The following BEGAIN variants were observed in gnomAD, a reference collection of about 807,000 sequenced individuals.
BEGAIN encodes the protein brain enriched guanylate kinase associated.
In BEGAIN, 19 loss-of-function variants were observed where a neutral mutation model predicts 35.8. The ratio of observed to expected loss-of-function variants is 0.53; its 90% confidence interval spans 0.37 to 0.78. BEGAIN has a LOEUF of 0.78. Ranked by LOEUF, BEGAIN falls within the 30% of genes least tolerant of loss-of-function variation. The pLI, the probability that BEGAIN is intolerant of heterozygous loss-of-function variation, is 0.00. For synonymous variants in BEGAIN, 462 were observed against 388.6 expected (o/e 1.19, Z -2.22); for missense variants, 795 against 853.6 (o/e 0.93, Z 0.85).
chr14:100,553,804 C>T (rs2033440664), intron 2 of BEGAIN, among the ~76,000 whole-genome samples: 3 of 152,236 alleles, frequency 2.0e-5, no homozygotes. Context: ...CCCTTCTCTG[C>T]TGGGCTCTCT....
In BEGAIN at chr14:100,537,211, CA is replaced by C. The variant is rs1042810600; in HGVS notation, c.*757del. The C allele has an allele frequency of 2.9e-4, 45 of 152,782 alleles. No individual in the cohort carries two copies. The highest frequency in any genetic ancestry group is 1.1e-3 in the African/African-American group (44 of 41,548). 9.5% of individuals were successfully genotyped at this position (152,782 alleles called of 1,614,324 possible). On this transcript the variant is annotated 3_prime_UTR_variant, in exon 7 of 7. Transcript: ENST00000554140. ...CAGTACTAACTGGCAGGGCATGCAT[CA>C]GAGACAACAAGAATGCAAGCTACAG...
In BEGAIN at chr14:100,539,128, G is replaced by A; in HGVS notation, c.680C>T (p.Ala227Val). ...TGGTTTCTCCACCCCGTCGCAGAAG[G>A]CCAGGTCGCGGGCGGAGGCATCGGA... is the stretch of plus-strand genomic sequence containing the variant. The part of the protein sequence containing the change: ...RLSDASARDL[A>V]FCDGVEKPGP... Residue 227 changes from alanine (A) to valine (V), a missense_variant, in exon 7 of 7, where the codon GCC becomes GTC. Coordinates refer to ENST00000554140, the MANE Select transcript of BEGAIN (RefSeq NM_001385089.1). 3.1e-6 allele frequency: 5 copies of A among 1,605,784 alleles called. No individual in the cohort carries two copies. Among genetic ancestry groups the A allele is most frequent in the Non-Finnish European group, 4.3e-6 (5 of 1,174,544 alleles).
Position 100,543,957 on chromosome 14 carries a change from G to A in BEGAIN, c.309C>T (p.His103=), listed in dbSNP as rs774515800. The change falls in exon 5 of 7, where the codon CAC becomes CAT. Residue 103 remains histidine, a synonymous_variant. Transcript: ENST00000554140. ...LEDKLYRMGQ[H]YEEEKRALSH... is the part of the protein sequence containing the mutation. ...TCAGCGCACGCTTCTCCTCCTCATA[G>A]TGCTGGCCCTGGGGGTGGGACAGTG... The A allele has an allele frequency of 1.9e-6, 3 of 1,609,452 alleles. No individual in the cohort carries two copies. Among genetic ancestry groups the A allele is most frequent in the Non-Finnish European group, 2.5e-6 (3 of 1,178,094 alleles).
Position 100,539,012 on chromosome 14 carries a change from C to T in BEGAIN, c.796G>A (p.Val266Met), listed in dbSNP as rs371884073. The stretch of plus-strand genomic sequence containing the variant: ...CCCACGTCGGTCACGGGCGCGTCCA[C>T]GCTAGGCCGCCGGTCTCGCCGCCGC... ...EERRRDRRPS[V>M]DAPVTDVGFL... is the part of the protein sequence containing the mutation. Residue 266 changes from valine (V) to methionine (M), a missense_variant, in exon 7 of 7, where the codon GTG becomes ATG. Val to Met is a conservative substitution (Grantham distance 21). Coordinates refer to ENST00000554140, the MANE Select transcript of BEGAIN (RefSeq NM_001385089.1). 5 of 1,610,744 alleles carry T rather than the reference C, an allele frequency of 3.1e-6. No individual in the cohort carries two copies. In the African/African-American group the frequency reaches 4.0e-5, roughly 13 times the overall value.
At chr14:100,560,968 C>T (rs908182948) in intron 2 of BEGAIN, among the ~76,000 whole-genome samples, 4 of 152,196 alleles carry the variant, frequency 2.6e-5, no homozygotes, top group African/African-American at 9.6e-5. Flanking sequence ...AAGAGACAGG[C>T]AGTCCCCACT....
Position 100,558,989 on chromosome 14 carries a change from G to A in BEGAIN, c.71+8922C>T, listed in dbSNP as rs2034006192. Among the ~76,000 whole-genome samples the A allele has an allele frequency of 6.6e-6, 1 of 152,272 alleles. No individual in the cohort carries two copies. The highest frequency in any genetic ancestry group is 6.5e-5 in the Admixed American group (1 of 15,304). On this transcript the variant is annotated intron_variant, in intron 2 of 6. Coordinates refer to ENST00000554140, the MANE Select transcript of BEGAIN (RefSeq NM_001385089.1). This position sits in a 1 kb window ranked among gnomAD's most constrained non-coding sequence, Gnocchi z 4.6. ...GAGCCTGGGGCCTGGGGGTTGTTGG[G>A]GGGAGCAGACAAGGGGTGGGCCTGG... is the stretch of plus-strand genomic sequence containing the variant.
In BEGAIN at chr14:100,538,966, G is replaced by A; in HGVS notation, c.842C>T (p.Ser281Phe). ...CTCCTCCTCGGCCGCGCTGTCAGTG[G>A]AGTTCTGGGCCCGCAGGAAGCCCAC... is the stretch of plus-strand genomic sequence containing the variant. Reference protein sequence around the residue: ...TDVGFLRAQNSTDSAAEEEEE... With the variant: ...TDVGFLRAQNFTDSAAEEEEE... The change falls in exon 7 of 7, where the codon TCC becomes TTC. Residue 281 changes from serine (S) to phenylalanine (F), a missense_variant. Coordinates refer to ENST00000554140, the MANE Select transcript of BEGAIN (RefSeq NM_001385089.1). The A allele has an allele frequency of 1.2e-6, 2 of 1,610,002 alleles. No homozygotes were observed. The highest frequency in any genetic ancestry group is 1.1e-5 in the South Asian group (1 of 90,830).
chr14:100,579,429 G>A (rs1451820434), intron 1 of BEGAIN, among the ~76,000 whole-genome samples: 2 of 152,172 alleles, frequency 1.3e-5, no homozygotes, highest in Admixed American at 6.5e-5. Flanking sequence ...AGGGAGACAC[G>A]CCTGCCCACT....
rs752826830 is a variant in BEGAIN at position 100,540,538 on chromosome 14, C to T, written c.450G>A (p.Leu150=). The T allele has an allele frequency of 6.8e-6, 11 of 1,608,176 alleles. No individual in the cohort carries two copies. Among genetic ancestry groups the T allele is most frequent in the Non-Finnish European group, 9.3e-6 (11 of 1,177,500 alleles). Residue 150 remains leucine, a synonymous_variant, in exon 6 of 7, where the codon CTG becomes CTA. Transcript: ENST00000554140. ...CCCTGCCGTAGGTCTGGCTGCACTG[C>T]AGCAGCTGGGCCGCTAGATTGCAGT... ...RKDCNLAAQL[L]QCSQTYGRVH...
Position 100,558,318 on chromosome 14 carries a change from G to A in BEGAIN, c.71+9593C>T, listed in dbSNP as rs1452960380. ...CTGTCTCAGCCTTCACCTGACCTGCGCCCTCAGCAGCCAGGCACATGCTGC... is the reference window on the plus strand; with the variant it reads ...CTGTCTCAGCCTTCACCTGACCTGCACCCTCAGCAGCCAGGCACATGCTGC... On this transcript the variant is annotated intron_variant, in intron 2 of 6. Transcript: ENST00000554140. This position sits in a 1 kb window ranked among gnomAD's most constrained non-coding sequence, Gnocchi z 4.6. Among the ~76,000 whole-genome samples the A allele has an allele frequency of 6.6e-6, 1 of 151,984 alleles. No homozygotes were observed. Among genetic ancestry groups the A allele is most frequent in the Non-Finnish European group, 1.5e-5 (1 of 68,004 alleles).
chr14:100,585,901 G>A (rs1181319944), intron 1 of BEGAIN, among the ~76,000 whole-genome samples: 3 of 152,274 alleles, frequency 2.0e-5, no homozygotes, highest in Admixed American at 6.5e-5. Context: ...ATCGCCCAGA[G>A]CCCGTGTGCT....
rs2034922590 is a variant in BEGAIN at position 100,568,590 on chromosome 14, G to GC, written c.43-652dup. The GC allele has an allele frequency of 8.5e-7, 1 of 1,177,008 alleles. No individual in the cohort carries two copies. Among genetic ancestry groups the GC allele is most frequent in the African/African-American group, 1.6e-5 (1 of 62,876 alleles). 72.9% of individuals were successfully genotyped at this position (1,177,008 alleles called of 1,614,324 possible). A position where few individuals can be genotyped will look rare whatever the true frequency, so the allele number is the denominator to read the frequency against. The stretch of plus-strand genomic sequence containing the variant: ...GCCCGGCTCGCCGGCGGGGCTCCCT[G>GC]CCTTGCTTGCGCAGACCCGCCCGCG... On this transcript the variant is annotated intron_variant, in intron 1 of 6. Transcript: ENST00000554140. The surrounding 1 kb of genome is among the most constrained non-coding windows in gnomAD (Gnocchi z 7.5).
Position 100,568,497 on chromosome 14 carries a change from C to T in BEGAIN, c.43-558G>A, listed in dbSNP as rs2034914012. On this transcript the variant is annotated intron_variant, in intron 1 of 6. Transcript: ENST00000554140. The surrounding 1 kb of genome is among the most constrained non-coding windows in gnomAD (Gnocchi z 7.5). ...CCTCGACTCCTCAATCAGGGACCCG[C>T]TGCCCTCAGATTCTGGGGTTTTGGG... 1 of 1,287,280 alleles carries T rather than the reference C, an allele frequency of 7.8e-7. No individual in the cohort carries two copies. Among genetic ancestry groups the T allele is most frequent in the African/African-American group, 1.5e-5 (1 of 65,950 alleles). 79.7% of individuals were successfully genotyped at this position (1,287,280 alleles called of 1,614,324 possible).
At chr14:100,553,750 T>C (rs1359608199) in intron 2 of BEGAIN, among the ~76,000 whole-genome samples, 2 of 152,212 alleles carry the variant, frequency 1.3e-5, no homozygotes, top group East Asian at 1.9e-4. Flanking sequence ...TCCCCTCACC[T>C]TGGACTGCCT....
intron 3 of BEGAIN, chr14:100,545,307 G>A (rs1357892385): frequency 1.1e-5 from 15 of 1,348,954 alleles, no homozygotes; most frequent in African/African-American, 4.4e-5. Context: ...CCTCCACCCC[G>A]GGACCCCCTG....
chr14:100,540,319 G>A (rs937529783), intron 6 of BEGAIN, 177 bp downstream of exon 6: 6 of 603,852 alleles, frequency 9.9e-6, no homozygotes, highest in African/African-American at 3.7e-5. Context: ...GTGAGGTGGG[G>A]TGCCTTTGGC....
At position 100,563,577 on chromosome 14, in the gene BEGAIN, C is replaced by T. The variant is rs570016598; in HGVS notation, c.71+4334G>A. The stretch of plus-strand genomic sequence containing the variant: ...GGCCTTCGCCGGTGAGGAAACCCAG[C>T]GGGCAGCAAACCAGGGCAGCCCACC... On this transcript the variant is annotated intron_variant, in intron 2 of 6. Coordinates refer to ENST00000554140, the MANE Select transcript of BEGAIN (RefSeq NM_001385089.1). This position sits in a 1 kb window ranked among gnomAD's most constrained non-coding sequence, Gnocchi z 4.2. Among the ~76,000 whole-genome samples, 10 of 152,328 alleles carry T rather than the reference C, an allele frequency of 6.6e-5. No individual in the cohort carries two copies. The highest frequency in any genetic ancestry group is 2.6e-4 in the Admixed American group (4 of 15,308).
chr14:100,572,232 T>A (rs1031801354), intron 1 of BEGAIN, among the ~76,000 whole-genome samples: 2 of 152,290 alleles, frequency 1.3e-5, no homozygotes, highest in Middle Eastern at 3.4e-3. Flanking sequence ...CAGATGTGGG[T>A]CAGTCCTGCT....
At chr14:100,544,040 C>T (rs1329008894) in intron 4 of BEGAIN, 75 bp from the exon 5 acceptor site, 6 of 1,109,094 alleles carry the variant, frequency 5.4e-6, no homozygotes, top group Non-Finnish European at 6.6e-6. Flanking sequence ...CGATTGCACC[C>T]CCTGGTTTGT....
Sources: allele counts gnomAD v4.1 joint callset (sites outside exome capture counted in the v4.1 genomes callset), GRCh38; gene constraint gnomAD v4.1.1; non-coding constraint Gnocchi (gnomAD v3.1); transcripts MANE v1.5; gene names NCBI Gene and HGNC (gene_info 2026-07-23, HGNC 2026-07-21).